Variants in ZC3H12B observed in about 807,000 individuals in gnomAD.
The protein encoded by ZC3H12B is probable ribonuclease ZC3H12B.
In ZC3H12B, 7 loss-of-function variants were observed where a neutral mutation model predicts 43.9. That is an observed-to-expected ratio of 0.16 (90% CI 0.09 to 0.30). The LOEUF (loss-of-function observed/expected upper bound fraction) is 0.30. ZC3H12B is among the 10% of genes least tolerant of loss of function. The pLI, the probability that ZC3H12B is intolerant of heterozygous loss-of-function variation, is 1.00. For missense variants in ZC3H12B, 475 were observed against 670.2 expected, an observed-to-expected ratio of 0.71 and a Z score of 3.22; for synonymous variants, 222 against 241.7, an observed-to-expected ratio of 0.92 and a Z score of 0.76.
chrX:65,248,035 T>C, the ZC3H12B span, among the ~76,000 whole-genome samples: 37 of 95,221 alleles, frequency 3.9e-4, no homozygotes, highest in African/African-American at 2.4e-3. Flanking sequence ...ATAGGCAAGA[T>C]TAGCCACGAA....
Position 65,370,131 on chromosome X carries a change from G to A in ZC3H12B, n.295+1133G>A, listed in dbSNP as rs7879401. Among the ~76,000 whole-genome samples the A allele has an allele frequency of 9.5e-3, 1,062 of 112,166 alleles. 12 individuals are homozygous for A. The highest frequency in any genetic ancestry group is 0.033 in the African/African-American group (1,013 of 30,898). On this transcript the variant is annotated intron_variant and non_coding_transcript_variant, in intron 2 of 5. Transcript: ENST00000617377. ...AGAAAAAAAGTATTCATATAGTTTCGAAGAAAGGTTAAGATATGTCTGTTT... is the reference window on the plus strand; with the variant it reads ...AGAAAAAAAGTATTCATATAGTTTCAAAGAAAGGTTAAGATATGTCTGTTT...
chrX:65,133,015 C>CT, the ZC3H12B span, among the ~76,000 whole-genome samples: 1 of 111,245 alleles, frequency 9.0e-6, no homozygotes, highest in African/African-American at 3.3e-5. Context: ...CAGTGGGGTC[C>CT]TGTACAGATG....
At chrX:65,384,731 T>C (rs913945309) in intron 2 of ZC3H12B, among the ~76,000 whole-genome samples, 1 of 111,713 alleles carries the variant, frequency 9.0e-6, no homozygotes, top group Non-Finnish European at 1.9e-5. Flanking sequence ...TGAATTGATT[T>C]TAAAAAGACC....
chrX:65,412,608 C>T (rs911405495), intron 3 of ZC3H12B, among the ~76,000 whole-genome samples: 5 of 110,889 alleles, frequency 4.5e-5, no homozygotes, highest in African/African-American at 1.6e-4. Flanking sequence ...GCTGGGACTG[C>T]GGGAATACAC....
At chrX:65,437,379 A>G (rs940824567) in intron 3 of ZC3H12B, among the ~76,000 whole-genome samples, 1 of 112,148 alleles carries the variant, frequency 8.9e-6, no homozygotes, top group Non-Finnish European at 1.9e-5. Flanking sequence ...TTTAATTCCA[A>G]CAAATAACTG....
the ZC3H12B span, among the ~76,000 whole-genome samples, chrX:65,231,253 G>A: frequency 9.0e-6 from 1 of 110,773 alleles, no homozygotes; most frequent in Non-Finnish European, 1.9e-5. Context: ...TGCTTCAAAG[G>A]GCAATAAAAG....
chrX:65,334,881 C>T, the ZC3H12B span, among the ~76,000 whole-genome samples: 2 of 111,572 alleles, frequency 1.8e-5, no homozygotes, highest in African/African-American at 6.5e-5. Flanking sequence ...CATTACAAAG[C>T]AACCCAATCA....
chrX:65,078,080 G>C, the ZC3H12B span, among the ~76,000 whole-genome samples: 8 of 111,883 alleles, frequency 7.2e-5, no homozygotes, highest in Non-Finnish European at 1.3e-4. Context: ...TTCAAGGGTT[G>C]TTCCAAGGAT....
chrX:65,062,852 G>C, the ZC3H12B span, among the ~76,000 whole-genome samples: 2 of 111,765 alleles, frequency 1.8e-5, no homozygotes. Flanking sequence ...GTAGTTTGTA[G>C]TTCTCCTTGA....
the ZC3H12B span, among the ~76,000 whole-genome samples, chrX:65,137,880 G>A: frequency 8.9e-6 from 1 of 112,543 alleles, no homozygotes; most frequent in South Asian, 3.6e-4. Context: ...CCAGGCTGTA[G>A]GGCAGTGGCA....
intron 2 of ZC3H12B, among the ~76,000 whole-genome samples, chrX:65,377,602 A>G (rs1231213418): frequency 2.7e-5 from 3 of 111,349 alleles, no homozygotes; most frequent in Non-Finnish European, 5.6e-5. Flanking sequence ...GCAAGCAACA[A>G]AAGAGTGACA....
chrX:65,319,903 A>G, the ZC3H12B span, among the ~76,000 whole-genome samples: 1 of 111,792 alleles, frequency 8.9e-6, no homozygotes, highest in African/African-American at 3.3e-5. Flanking sequence ...TCAGTAAACT[A>G]GGCATTGAAG....
At chrX:65,168,562 G>C in the ZC3H12B span, among the ~76,000 whole-genome samples, 2 of 110,928 alleles carry the variant, frequency 1.8e-5, no homozygotes, top group African/African-American at 6.6e-5. Context: ...CATAAAATGA[G>C]TTAGGGAAGA....
the ZC3H12B span, among the ~76,000 whole-genome samples, chrX:65,104,326 G>A: frequency 9.0e-6 from 1 of 111,711 alleles, no homozygotes; most frequent in African/African-American, 3.3e-5. Context: ...GAAAATCTAG[G>A]CAATACCATT....
chrX:65,099,400 A>C, the ZC3H12B span, among the ~76,000 whole-genome samples: 2 of 111,054 alleles, frequency 1.8e-5, no homozygotes, highest in Non-Finnish European at 1.9e-5. Flanking sequence ...CTGCATTCTC[A>C]AGTGGGTCCC....
At chrX:65,459,389 G>A (rs1218873179) in intron 3 of ZC3H12B, among the ~76,000 whole-genome samples, 1 of 111,463 alleles carries the variant, frequency 9.0e-6, no homozygotes, top group Non-Finnish European at 1.9e-5. Flanking sequence ...CCAAAGCCTG[G>A]CAGAGACACA....
At chrX:65,454,913 G>C (rs1276669494) in intron 3 of ZC3H12B, among the ~76,000 whole-genome samples, 12 of 112,040 alleles carry the variant, frequency 1.1e-4, no homozygotes, top group Non-Finnish European at 1.9e-4. Flanking sequence ...CTGCAGCTGA[G>C]GGTCCTGACT....
chrX:65,424,776 ACG>A (rs777383899), intron 3 of ZC3H12B, among the ~76,000 whole-genome samples: 65 of 111,307 alleles, frequency 5.8e-4, no homozygotes, highest in African/African-American at 1.9e-3. Flanking sequence ...AGATGGTTGT[ACG>A]TGTGTGGTCT....
chrX:65,482,274 G>C (rs1353907880), intron 3 of ZC3H12B, among the ~76,000 whole-genome samples: 1 of 110,246 alleles, frequency 9.1e-6, no homozygotes, highest in African/African-American at 3.3e-5. Flanking sequence ...GATGGGTATA[G>C]GTAGCACAAA....
Sources: gnomAD v4.1 joint callset for allele counts (sites outside exome capture counted in the v4.1 genomes callset) on GRCh38, gnomAD v4.1.1 for gene constraint, MANE v1.5 for transcripts, NCBI Gene and HGNC (gene_info 2026-07-23, HGNC 2026-07-21) for gene names.